KPNA6: variants seen among roughly 807,000 people sequenced by gnomAD.
The protein encoded by KPNA6 is karyopherin subunit alpha 6, also known as importin subunit alpha-7.
KPNA6 carries 9 observed loss-of-function variants against 72.0 expected under a neutral mutation model. The ratio of observed to expected loss-of-function variants is 0.13; its 90% CI spans 0.08 to 0.22. The LOEUF (loss-of-function observed/expected upper bound fraction) is 0.22. KPNA6 is among the 10% of genes least tolerant of loss of function. The pLI is 1.00. For synonymous variants in KPNA6, 219 were observed against 242.1 expected (o/e 0.90, Z 0.89); for missense variants, 374 against 655.7 (o/e 0.57, Z 4.69).
intron 1 of KPNA6, among the ~76,000 whole-genome samples, chr1:32,138,964 T>C (rs926012883): frequency 6.6e-6 from 1 of 152,146 alleles, no homozygotes; most frequent in Non-Finnish European, 1.5e-5. Context: ...TCTGGGTTTT[T>C]AGTAAGAAAT....
In KPNA6 at chr1:32,123,929, G is replaced by C. The variant is rs1641483244; in HGVS notation, c.4+15795G>C. 3.3e-5 allele frequency among the ~76,000 whole-genome samples: 5 copies of C among 150,494 alleles called. No homozygotes were observed. In the South Asian group the frequency reaches 1.0e-3, roughly 32 times the overall value. On this transcript the variant is annotated intron_variant, in intron 1 of 13. Coordinates refer to ENST00000373625, the MANE Select transcript of KPNA6 (RefSeq NM_012316.5). ...TGCACCAGTAGTCCCAGCTACTCAG[G>C]AGGCTGAGGCAGGAGAATTGCTTGA...
intron 1 of KPNA6, among the ~76,000 whole-genome samples, chr1:32,119,820 C>T (rs1641400682): frequency 2.7e-5 from 4 of 150,024 alleles, no homozygotes; most frequent in African/African-American, 9.8e-5. Flanking sequence ...TCTCAGCTCA[C>T]TATAACCTCC....
intron 1 of KPNA6, among the ~76,000 whole-genome samples, chr1:32,150,939 A>G (rs1642021039): frequency 6.6e-6 from 1 of 151,194 alleles, no homozygotes; most frequent in Non-Finnish European, 1.5e-5. Context: ...TTTGTTTTTT[A>G]GAGACAGGGT....
chr1:32,136,172 A>T (rs934088070), intron 1 of KPNA6, among the ~76,000 whole-genome samples: 14 of 136,932 alleles, frequency 1.0e-4, no homozygotes, highest in African/African-American at 3.4e-4. Context: ...CCACATTTCT[A>T]GCTTCTCTCT....
intron 1 of KPNA6, among the ~76,000 whole-genome samples, chr1:32,151,062 A>T (rs993714191): frequency 1.3e-5 from 2 of 152,064 alleles, no homozygotes; most frequent in African/African-American, 4.8e-5. Context: ...CAAAGTGCTG[A>T]GATTTATAGG....
At chr1:32,113,348 G>A (rs939433561) in intron 1 of KPNA6, among the ~76,000 whole-genome samples, 2 of 152,048 alleles carry the variant, frequency 1.3e-5, no homozygotes, top group Non-Finnish European at 2.9e-5. Context: ...AGATGATTGT[G>A]CCATTGCACA....
intron 3 of KPNA6, 115 bp from the exon 4 acceptor site, chr1:32,157,231 T>G: frequency 1.4e-6 from 1 of 734,080 alleles, no homozygotes; most frequent in Non-Finnish European, 2.3e-6. Flanking sequence ...CCTGAGCCTA[T>G]TATGCCATCC....
Position 32,158,552 on chromosome 1 carries a change from C to CT in KPNA6, c.426+194dup, listed in dbSNP as rs1642184766. Among the ~76,000 whole-genome samples the CT allele has an allele frequency of 2.6e-5, 4 of 152,304 alleles. No homozygotes were observed. The South Asian group carries it at 6.2e-4, about 24-fold the overall frequency. On this transcript the variant is annotated intron_variant, in intron 5 of 13. Transcript: ENST00000373625. ...AAGTTACAAACAATCCAATTATACA[C>CT]TTTAAGTTATTTTAAATTGTGTAGT...
intron 1 of KPNA6, among the ~76,000 whole-genome samples, chr1:32,152,753 G>A (rs1570048917): frequency 1.3e-5 from 2 of 152,122 alleles, no homozygotes; most frequent in East Asian, 3.9e-4. Flanking sequence ...GCTGAGGCAG[G>A]AAAATGGCGT....
rs780584561 is a variant in KPNA6, at chr1:32,166,012, AAAC to A, written c.991-69_991-67del. On this transcript the variant is annotated intron_variant, in intron 10 of 13. Coordinates refer to ENST00000373625, the MANE Select transcript of KPNA6 (RefSeq NM_012316.5). ...GACTCTGTCTCAAAAAAAAAAACAA[AAAC>A]AACAACAACAACAACAACAACAAAA... 9.3e-3 allele frequency: 12,903 copies of A among 1,380,230 alleles called. 84 individuals are homozygous for A. Among genetic ancestry groups the A allele is most frequent in the Non-Finnish European group, 0.011 (11,621 of 1,034,690 alleles). The allele number at this position is 1,380,230 out of a possible 1,614,324, so 85.5% of individuals were successfully genotyped here.
chr1:32,169,028 G>A (rs903093861), intron 12 of KPNA6, among the ~76,000 whole-genome samples: 4 of 152,122 alleles, frequency 2.6e-5, no homozygotes, highest in Non-Finnish European at 5.9e-5. Context: ...AAATGAACTA[G>A]AACAATATCA....
chr1:32,151,207 G>A (rs1294698625), intron 1 of KPNA6, among the ~76,000 whole-genome samples: 2 of 152,064 alleles, frequency 1.3e-5, no homozygotes, highest in Non-Finnish European at 2.9e-5. Flanking sequence ...TTCTGTTTTA[G>A]CAGTGTAAGG....
intron 1 of KPNA6, among the ~76,000 whole-genome samples, chr1:32,141,368 G>A (rs1273412575): frequency 2.0e-5 from 1 of 50,442 alleles, no homozygotes; most frequent in Non-Finnish European, 4.6e-5. Context: ...TTTTTTTTAA[G>A]TTAATCCTTT....
chr1:32,109,431 C>T (rs1032934693), intron 1 of KPNA6, among the ~76,000 whole-genome samples: 4 of 152,004 alleles, frequency 2.6e-5, no homozygotes, highest in Admixed American at 2.0e-4. Context: ...CTCGGCCTCC[C>T]AAAGTGCTGG....
chr1:32,111,930 C>T (rs1307946478), intron 1 of KPNA6, among the ~76,000 whole-genome samples: 1 of 152,192 alleles, frequency 6.6e-6, no homozygotes, highest in African/African-American at 2.4e-5. Context: ...TTGGCAGACA[C>T]TACTTGTCTT....
intron 1 of KPNA6, among the ~76,000 whole-genome samples, chr1:32,138,647 G>A (rs1570027077): frequency 6.6e-6 from 1 of 152,008 alleles, no homozygotes; most frequent in Admixed American, 6.6e-5. Context: ...TAGGATTTTG[G>A]TACACACTGA....
intron 4 of KPNA6, 55 bp from the exon 5 acceptor site, chr1:32,158,212 A>T: frequency 8.6e-7 from 1 of 1,169,248 alleles, no homozygotes; most frequent in Non-Finnish European, 1.3e-6. Context: ...GACCCCCATG[A>T]AGGGATCAGC....
At chr1:32,116,189 C>CT (rs370003341) in intron 1 of KPNA6, among the ~76,000 whole-genome samples, 2,977 of 141,350 alleles carry the variant, frequency 0.021, 39 homozygotes, top group Non-Finnish European at 0.029. Context: ...CTTTTCTTTT[C>CT]TTTTTTTTTT....
At chr1:32,151,875 A>G (rs545923591) in intron 1 of KPNA6, among the ~76,000 whole-genome samples, 17 of 152,372 alleles carry the variant, frequency 1.1e-4, no homozygotes, top group African/African-American at 3.4e-4. Context: ...GGCTCACTTT[A>G]TAACAAACTT....
Sources: allele counts gnomAD v4.1 joint callset (sites outside exome capture counted in the v4.1 genomes callset), GRCh38; gene constraint gnomAD v4.1.1; transcripts MANE v1.5; gene names NCBI Gene and HGNC (gene_info 2026-07-23, HGNC 2026-07-21).